CCDC7: variants seen among roughly 807,000 people sequenced by gnomAD.
CCDC7 encodes coiled-coil domain containing 7.
A neutral mutation model predicts 196.9 loss-of-function variants in CCDC7; 183 were observed. The observed-to-expected ratio is 0.93, with a 90% CI of 0.82 to 1.05. The LOEUF (loss-of-function observed/expected upper bound fraction) is 1.05, where lower values mean the gene tolerates loss of function less well. CCDC7 is among the 50% of genes least tolerant of loss of function. The probability of loss-of-function intolerance (pLI) is 0.00; values close to 1 mark genes in which losing one functional copy is unlikely to be tolerated. For synonymous variants in CCDC7, 525 were observed against 484.6 expected, an observed-to-expected ratio of 1.08 and a Z score of -1.10; for missense variants, 1,540 against 1,482.2, an observed-to-expected ratio of 1.04 and a Z score of -0.64.
At chr10:32,678,635 T>C (rs2075388064) in intron 21 of CCDC7, among the ~76,000 whole-genome samples, 1 of 152,182 alleles carries the variant, frequency 6.6e-6, no homozygotes, top group Admixed American at 6.5e-5. Context: ...AGTGTTTTGA[T>C]TGTGGTGCAG....
intron 28 of CCDC7, among the ~76,000 whole-genome samples, chr10:32,775,386 T>C (rs547519981): frequency 2.0e-5 from 3 of 152,254 alleles, no homozygotes; most frequent in South Asian, 2.1e-4. Flanking sequence ...TTCTTAAGGA[T>C]ATAAAAATAG....
chr10:32,529,067 G>A (rs1033969925), intron 11 of CCDC7, among the ~76,000 whole-genome samples: 1 of 151,976 alleles, frequency 6.6e-6, no homozygotes, highest in Non-Finnish European at 1.5e-5. Flanking sequence ...TGTCACCCAG[G>A]CTGGAGAGCA....
intron 3 of CCDC7, among the ~76,000 whole-genome samples, chr10:32,462,184 A>G (rs2035882027): frequency 6.6e-6 from 1 of 152,070 alleles, no homozygotes; most frequent in Non-Finnish European, 1.5e-5. Context: ...GTTTTGGGAG[A>G]CTGACATGGG....
intron 30 of CCDC7, among the ~76,000 whole-genome samples, chr10:32,809,430 T>C (rs994362415): frequency 1.3e-5 from 2 of 151,946 alleles, no homozygotes; most frequent in Admixed American, 6.6e-5. Flanking sequence ...ATTCAATTAA[T>C]AAAACAAAAA....
At chr10:32,636,415 T>A (rs2065651160) in intron 20 of CCDC7, among the ~76,000 whole-genome samples, 1 of 152,150 alleles carries the variant, frequency 6.6e-6, no homozygotes, top group Admixed American at 6.5e-5. Context: ...TGTGTGATGT[T>A]CCCCTTCCTG....
intron 13 of CCDC7, among the ~76,000 whole-genome samples, chr10:32,553,116 TTTA>T (rs200212945): frequency 0.13 from 19,336 of 147,874 alleles, 1,447 homozygotes; most frequent in African/African-American, 0.23. Context: ...TTTTTTTTTT[TTTA>T]ATTCTTTTTT....
chr10:32,698,200 C>T (rs1049537213), intron 24 of CCDC7, among the ~76,000 whole-genome samples: 9 of 152,070 alleles, frequency 5.9e-5, no homozygotes, highest in Admixed American at 2.0e-4. Flanking sequence ...TTGTAGGTCA[C>T]CATCATCAAA....
intron 18 of CCDC7, among the ~76,000 whole-genome samples, chr10:32,612,385 C>G (rs2062254788): frequency 6.6e-6 from 1 of 152,104 alleles, no homozygotes; most frequent in Admixed American, 6.5e-5. Flanking sequence ...TTGACTTCCT[C>G]TCATCCTATT....
chr10:32,451,874 C>T, exon 1 of CCDC7: 2 of 1,612,220 alleles, frequency 1.2e-6, no homozygotes, highest in Non-Finnish European at 1.7e-6. Flanking sequence ...AAAGAACTTA[C>T]TACCAGAAGA....
intron 18 of CCDC7, among the ~76,000 whole-genome samples, chr10:32,629,249 A>G (rs1428656504): frequency 6.6e-6 from 1 of 152,068 alleles, no homozygotes; most frequent in Non-Finnish European, 1.5e-5. Context: ...ATTACATAGT[A>G]TGCTTCTTTG....
At chr10:32,658,884 T>G (rs2070595346) in intron 20 of CCDC7, among the ~76,000 whole-genome samples, 1 of 152,236 alleles carries the variant, frequency 6.6e-6, no homozygotes, top group Admixed American at 6.5e-5. Flanking sequence ...CTGTGGTCAG[T>G]TGTAATGTCT....
At chr10:32,783,643 T>G (rs2081377947) in intron 29 of CCDC7, among the ~76,000 whole-genome samples, 1 of 152,216 alleles carries the variant, frequency 6.6e-6, no homozygotes. Context: ...ATCTATTTAC[T>G]TCAAGGTGTA....
chr10:32,772,239 G>C (rs2079278677), intron 28 of CCDC7, among the ~76,000 whole-genome samples: 1 of 152,160 alleles, frequency 6.6e-6, no homozygotes, highest in Admixed American at 6.5e-5. Flanking sequence ...ATGCAGAAGA[G>C]TTTGTGCAGG....
intron 32 of CCDC7, among the ~76,000 whole-genome samples, chr10:32,825,565 T>C (rs961269356): frequency 2.0e-5 from 3 of 152,200 alleles, no homozygotes; most frequent in Non-Finnish European, 4.4e-5. Flanking sequence ...CTATTACTTC[T>C]TTCCCTCTAG....
At chr10:32,541,049 G>T (rs1589681796) in intron 11 of CCDC7, among the ~76,000 whole-genome samples, 1 of 147,552 alleles carries the variant, frequency 6.8e-6, no homozygotes, top group Admixed American at 6.7e-5. Context: ...AAATTTCTGA[G>T]TTTTTTTTTT....
chr10:32,867,858 A>G (rs957666668), intron 41 of CCDC7, among the ~76,000 whole-genome samples: 1 of 151,864 alleles, frequency 6.6e-6, no homozygotes, highest in African/African-American at 2.4e-5. Context: ...TATCACTACC[A>G]TCTACCTCCA....
At chr10:32,693,261 G>T (rs1397083090) in intron 23 of CCDC7, among the ~76,000 whole-genome samples, 2 of 152,080 alleles carry the variant, frequency 1.3e-5, no homozygotes, top group African/African-American at 2.4e-5. Context: ...CAATATATAT[G>T]CAAAAAGTTA....
At chr10:32,747,121 C>T (rs1018040373) in intron 28 of CCDC7, among the ~76,000 whole-genome samples, 1 of 152,180 alleles carries the variant, frequency 6.6e-6, no homozygotes, top group Non-Finnish European at 1.5e-5. Context: ...AGGTGTTTAA[C>T]CTCAAGGAGC....
chr10:32,817,598 T>C (rs2089039164), intron 31 of CCDC7, among the ~76,000 whole-genome samples: 1 of 152,200 alleles, frequency 6.6e-6, no homozygotes, highest in African/African-American at 2.4e-5. Flanking sequence ...AAAGGTCAGG[T>C]TACCCACAAA....
Sources: gnomAD v4.1 joint callset for allele counts (sites outside exome capture counted in the v4.1 genomes callset) on GRCh38, gnomAD v4.1.1 for gene constraint, MANE v1.5 for transcripts, NCBI Gene and HGNC (gene_info 2026-07-23, HGNC 2026-07-21) for gene names.